Variants in CADPS2 observed in about 807,000 individuals in gnomAD.
CADPS2 encodes calcium-dependent secretion activator 2.
Under a neutral mutation model 172.5 loss-of-function variants are expected in CADPS2, and 93 were observed. The observed-to-expected ratio is 0.54, with a 90% CI of 0.46 to 0.64. The LOEUF is 0.64. CADPS2 is among the 30% of genes least tolerant of loss of function. The pLI is 0.00. For missense variants in CADPS2, 1,420 were observed against 1,565.9 expected (o/e 0.91, Z 1.57); for synonymous variants, 546 against 555.2 (o/e 0.98, Z 0.23).
chr7:122,658,304 A>G (rs566372899), intron 3 of CADPS2, among the ~76,000 whole-genome samples: 8 of 152,224 alleles, frequency 5.3e-5, no homozygotes, highest in Non-Finnish European at 8.8e-5. Flanking sequence ...ACTGTAAACT[A>G]GTTCAACCAC....
At chr7:122,370,231 G>A (rs2041592589) in intron 25 of CADPS2, among the ~76,000 whole-genome samples, 1 of 152,080 alleles carries the variant, frequency 6.6e-6, no homozygotes, top group Non-Finnish European at 1.5e-5. Context: ...ATGTTTGTTA[G>A]TGTGTCTCCT....
intron 1 of CADPS2, among the ~76,000 whole-genome samples, chr7:122,831,163 T>C (rs1806422931): frequency 6.6e-6 from 1 of 152,172 alleles, no homozygotes; most frequent in Admixed American, 6.5e-5. Flanking sequence ...CTCTTGAACA[T>C]AATCAACTGG....
At chr7:122,386,332 A>C in intron 24 of CADPS2, 1 of 1,414,244 alleles carries the variant, frequency 7.1e-7, no homozygotes, top group East Asian at 2.6e-5. Flanking sequence ...ATGGGTGGAA[A>C]AAAAAAGATG....
At chr7:122,831,105 T>C (rs1584735969) in intron 1 of CADPS2, among the ~76,000 whole-genome samples, 1 of 152,194 alleles carries the variant, frequency 6.6e-6, no homozygotes, top group African/African-American at 2.4e-5. Flanking sequence ...AGCACTACCA[T>C]GCAAAACTCA....
chr7:122,676,956 C>T lies in CADPS2; in HGVS notation c.454-13387G>A, dbSNP rs538481646. 5.6e-5 allele frequency: 21 copies of T among 373,320 alleles called. No individual in the cohort carries two copies. In the South Asian group the frequency reaches 1.2e-3, roughly 22 times the overall value. The allele number at this position is 373,320 out of a possible 1,614,324, so 23.1% of individuals were successfully genotyped here. A position where few individuals can be genotyped will look rare whatever the true frequency, so the allele number is the denominator to read the frequency against. On this transcript the variant is annotated intron_variant, in intron 2 of 29. Coordinates refer to ENST00000449022, the MANE Select transcript of CADPS2 (RefSeq NM_017954.11). ...CTCCCTCAACCTACCTTCTAGCCTTCTCTTCCATTTCTTTCAAGAACATAT... is the reference window on the plus strand; with the variant it reads ...CTCCCTCAACCTACCTTCTAGCCTTTTCTTCCATTTCTTTCAAGAACATAT...
intron 7 of CADPS2, among the ~76,000 whole-genome samples, chr7:122,580,685 T>C (rs1304294426): frequency 6.6e-6 from 1 of 152,050 alleles, no homozygotes; most frequent in Non-Finnish European, 1.5e-5. Context: ...AGGAAAAGAA[T>C]AATGTTAAAA....
chr7:122,336,865 C>CT (rs1563093871), intron 28 of CADPS2, among the ~76,000 whole-genome samples: 1 of 152,088 alleles, frequency 6.6e-6, no homozygotes, highest in South Asian at 2.1e-4. Flanking sequence ...TGTGGAATTT[C>CT]TTTTTTTAAT....
At chr7:122,472,012 G>A (rs1389257812) in intron 13 of CADPS2, among the ~76,000 whole-genome samples, 1 of 152,138 alleles carries the variant, frequency 6.6e-6, no homozygotes, top group African/African-American at 2.4e-5. Flanking sequence ...TACTATTTGG[G>A]AACTTAAATA....
intron 1 of CADPS2, among the ~76,000 whole-genome samples, chr7:122,859,322 A>AT (rs143727865): frequency 6.6e-6 from 1 of 152,184 alleles, no homozygotes; most frequent in Non-Finnish European, 1.5e-5. Flanking sequence ...CATCCTTCTA[A>AT]TTTTTTATTC....
At chr7:122,782,951 T>C (rs1035543434) in intron 1 of CADPS2, among the ~76,000 whole-genome samples, 1 of 152,154 alleles carries the variant, frequency 6.6e-6, no homozygotes, top group Non-Finnish European at 1.5e-5. Context: ...GTATTATTTA[T>C]ATGCATTTCT....
At chr7:122,428,815 C>G (rs1563314976) in intron 17 of CADPS2, among the ~76,000 whole-genome samples, 1 of 151,998 alleles carries the variant, frequency 6.6e-6, no homozygotes, top group Non-Finnish European at 1.5e-5. Flanking sequence ...GGAAGTTTGC[C>G]TAAAGAACTT....
intron 1 of CADPS2, among the ~76,000 whole-genome samples, chr7:122,772,220 G>T (rs1316904414): frequency 1.3e-5 from 2 of 152,166 alleles, no homozygotes; most frequent in African/African-American, 4.8e-5. Context: ...CTAAATATTT[G>T]AAAGATTAAA....
intron 25 of CADPS2, among the ~76,000 whole-genome samples, chr7:122,365,491 A>C (rs1386546573): frequency 6.6e-6 from 1 of 152,208 alleles, no homozygotes; most frequent in African/African-American, 2.4e-5. Context: ...CCTGGCTTTT[A>C]ATTGCATAAA....
At chr7:122,881,720 C>T (rs1378390033) in intron 1 of CADPS2, among the ~76,000 whole-genome samples, 1 of 152,134 alleles carries the variant, frequency 6.6e-6, no homozygotes, top group African/African-American at 2.4e-5. Flanking sequence ...GCTAACTTGT[C>T]TCTGGGGCTT....
chr7:122,567,033 C>G (rs1284346923), intron 7 of CADPS2, among the ~76,000 whole-genome samples: 4 of 152,136 alleles, frequency 2.6e-5, no homozygotes, highest in Non-Finnish European at 5.9e-5. Flanking sequence ...GCCACAGTTG[C>G]TTTATCTGGA....
intron 1 of CADPS2, among the ~76,000 whole-genome samples, chr7:122,880,088 T>C (rs1222633186): frequency 6.6e-6 from 1 of 152,192 alleles, no homozygotes; most frequent in Non-Finnish European, 1.5e-5. Flanking sequence ...CTACATACAC[T>C]GAGGAAACAG....
chr7:122,723,134 T>A (rs1370578560), intron 2 of CADPS2, among the ~76,000 whole-genome samples: 7 of 151,978 alleles, frequency 4.6e-5, no homozygotes, highest in Admixed American at 1.3e-4. Flanking sequence ...GGACTTCATG[T>A]CTAAAACAAC....
intron 8 of CADPS2, among the ~76,000 whole-genome samples, chr7:122,538,610 C>T (rs892265533): frequency 1.6e-4 from 24 of 152,002 alleles, no homozygotes; most frequent in African/African-American, 5.3e-4. Flanking sequence ...AATATCATTG[C>T]TTCCCCTTAC....
chr7:122,414,030 T>A (rs2047608121), intron 19 of CADPS2, 38 bp downstream of exon 19: 1 of 1,530,216 alleles, frequency 6.5e-7, no homozygotes, highest in African/African-American at 1.4e-5. Context: ...AAAAGAGGTA[T>A]CCTATGCTAA....
Sources: gnomAD v4.1 joint callset for allele counts (sites outside exome capture counted in the v4.1 genomes callset) on GRCh38, gnomAD v4.1.1 for gene constraint, MANE v1.5 for transcripts, NCBI Gene and HGNC (gene_info 2026-07-23, HGNC 2026-07-21) for gene names.